CNTNAP3B: variants seen among roughly 807,000 people sequenced by gnomAD.
CNTNAP3B encodes contactin-associated protein-like 3B.
In CNTNAP3B, 25 loss-of-function variants were observed where a neutral mutation model predicts 108.9. That is an observed-to-expected ratio of 0.23 (90% CI 0.17 to 0.32). The LOEUF (loss-of-function observed/expected upper bound fraction) is 0.32. Among genes scored for constraint, CNTNAP3B ranks in the 10% least tolerant of loss-of-function variants. The probability of loss-of-function intolerance (pLI) is 1.00; values close to 1 mark genes in which losing one functional copy is unlikely to be tolerated. For synonymous variants in CNTNAP3B, 103 were observed against 473.4 expected, an observed-to-expected ratio of 0.22 and a Z score of 10.16; for missense variants, 252 against 1,210.4, an observed-to-expected ratio of 0.21 and a Z score of 11.75.
intron 1 of CNTNAP3B, among the ~76,000 whole-genome samples, chr9:42,112,157 G>T (rs1828204437): frequency 7.1e-6 from 1 of 139,926 alleles, no homozygotes; most frequent in South Asian, 2.3e-4. Context: ...ATGCACCAAT[G>T]CTCCTTGACC....
rs915998918 is a variant in CNTNAP3B, at chr9:42,121,297, C to T, written c.85+7713G>A. On this transcript the variant is annotated intron_variant, in intron 1 of 23. Coordinates refer to ENST00000377561, the MANE Select transcript of CNTNAP3B (RefSeq NM_001201380.3). ...TTTTGGTGGATTTTTCTTCTCTATT[C>T]CATTCTTCCCTCTTTTATGAGCTCA... is the stretch of plus-strand genomic sequence containing the variant. Among the ~76,000 whole-genome samples, 21 of 139,392 alleles carry T rather than the reference C, an allele frequency of 1.5e-4. 4 individuals are homozygous for T. Among genetic ancestry groups the T allele is most frequent in the Admixed American group, 4.3e-4 (6 of 14,012 alleles). The allele number at this position is 139,392 out of a possible 152,430, so 91.4% of individuals were successfully genotyped here.
intron 3 of CNTNAP3B, among the ~76,000 whole-genome samples, chr9:42,019,467 C>T (rs1316642678): frequency 5.1e-5 from 4 of 77,936 alleles, no homozygotes; most frequent in Non-Finnish European, 7.5e-5. Context: ...CAAAGTACTA[C>T]GGGGCCAGGC....
intron 14 of CNTNAP3B, among the ~76,000 whole-genome samples, chr9:41,930,560 A>G (rs1823947859): frequency 2.0e-5 from 3 of 151,574 alleles, no homozygotes; most frequent in Non-Finnish European, 4.4e-5. Context: ...ACAAAAAACA[A>G]ACAAAAAACC....
At position 41,953,169 on chromosome 9, in the gene CNTNAP3B, G is replaced by A; in HGVS notation, c.2080+14C>T. ...GCCTCGTGAGCCCCTGTAGCCTCCA[G>A]CAGTGGCGCTTACCTCGTGAGTCCG... On this transcript the variant is annotated intron_variant, in intron 13 of 23. Coordinates refer to ENST00000377561, the MANE Select transcript of CNTNAP3B (RefSeq NM_001201380.3). The A allele has an allele frequency of 5.3e-6, 8 of 1,516,614 alleles. No individual in the cohort carries two copies. Among genetic ancestry groups the A allele is most frequent in the African/African-American group, 1.4e-5 (1 of 70,252 alleles). 93.9% of individuals were successfully genotyped at this position (1,516,614 alleles called of 1,614,324 possible). A position where few individuals can be genotyped will look rare whatever the true frequency, so the allele number is the denominator to read the frequency against.
rs1204640155 is a variant in CNTNAP3B, at chr9:42,097,370, C to T, written c.196+7259G>A. 3.6e-5 allele frequency among the ~76,000 whole-genome samples: 5 copies of T among 139,746 alleles called. 2 individuals carry two copies. Among genetic ancestry groups the T allele is most frequent in the African/African-American group, 1.4e-4 (5 of 35,250 alleles). 91.7% of individuals were successfully genotyped at this position (139,746 alleles called of 152,430 possible). A position where few individuals can be genotyped will look rare whatever the true frequency, so the allele number is the denominator to read the frequency against. On this transcript the variant is annotated intron_variant, in intron 2 of 23. Coordinates refer to ENST00000377561, the MANE Select transcript of CNTNAP3B (RefSeq NM_001201380.3). ...GGTAAAACTGCCCCACGCAGAGAAG[C>T]TTTTACCCCAGGTTAATAAAGATGC...
At chr9:42,042,148 G>A (rs1353328810) in intron 3 of CNTNAP3B, among the ~76,000 whole-genome samples, 54 of 140,296 alleles carry the variant, frequency 3.8e-4, no homozygotes, top group African/African-American at 1.3e-3. Context: ...GAGTTAATGG[G>A]TGCAGCACAC....
chr9:41,952,533 G>C (rs1453240461), intron 13 of CNTNAP3B, among the ~76,000 whole-genome samples: 5 of 152,358 alleles, frequency 3.3e-5, no homozygotes, highest in African/African-American at 1.2e-4. Flanking sequence ...TGGGGATTCC[G>C]GAAAGGAGGG....
chr9:42,123,470 A>G lies in CNTNAP3B; in HGVS notation c.85+5540T>C, dbSNP rs931988667. On this transcript the variant is annotated intron_variant, in intron 1 of 23. Transcript: ENST00000377561. ...AGATCAAATCACTCCATCAAGTCAA[A>G]GACTAATTCAACTGTTTGTTCAGTT... Among the ~76,000 whole-genome samples the G allele has an allele frequency of 5.4e-5, 7 of 129,302 alleles. 1 individual carries two copies. The highest frequency in any genetic ancestry group is 2.2e-4 in the African/African-American group (7 of 31,970). 84.8% of individuals were successfully genotyped at this position (129,302 alleles called of 152,430 possible).
intron 1 of CNTNAP3B, among the ~76,000 whole-genome samples, chr9:42,127,686 A>T (rs1231682962): frequency 7.1e-6 from 1 of 139,918 alleles, no homozygotes; most frequent in Non-Finnish European, 1.5e-5. Context: ...TTAAAGTTGA[A>T]TCTGAAACAC....
chr9:41,927,674 T>C (rs1377963096), intron 15 of CNTNAP3B, among the ~76,000 whole-genome samples: 3 of 151,658 alleles, frequency 2.0e-5, no homozygotes, highest in Admixed American at 6.6e-5. Context: ...ACCAATTCAG[T>C]AAAATAAGAG....
chr9:42,035,288 G>T lies in CNTNAP3B; in HGVS notation c.391-21763C>A, dbSNP rs577769151. ...TACCATTTTACAGATTAGCAAGTGA[G>T]CTCACCAAGGTTCCACGAGGCTGAC... On this transcript the variant is annotated intron_variant, in intron 3 of 23. Transcript: ENST00000377561. Among the ~76,000 whole-genome samples the T allele has an allele frequency of 7.0e-4, 101 of 144,252 alleles. 3 individuals carry two copies. The highest frequency in any genetic ancestry group is 3.4e-3 in the Middle Eastern group (1 of 294). 94.6% of individuals were successfully genotyped at this position (144,252 alleles called of 152,430 possible). A position where few individuals can be genotyped will look rare whatever the true frequency, so the allele number is the denominator to read the frequency against.
At chr9:41,959,697 C>T (rs1477402231) in intron 12 of CNTNAP3B, among the ~76,000 whole-genome samples, 3 of 152,308 alleles carry the variant, frequency 2.0e-5, no homozygotes, top group East Asian at 1.9e-4. Context: ...TTCTGAACAT[C>T]CCCTGTAAAG....
At chr9:42,120,021 C>A (rs1201576989) in intron 1 of CNTNAP3B, among the ~76,000 whole-genome samples, 87 of 148,812 alleles carry the variant, frequency 5.8e-4, no homozygotes, top group African/African-American at 2.0e-3. Context: ...AAGAAACTAC[C>A]ATCAGAGTGA....
rs111383931 is a variant in CNTNAP3B at position 42,107,676 on chromosome 9, C to A, written c.86-2937G>T. On this transcript the variant is annotated intron_variant, in intron 1 of 23. Coordinates refer to ENST00000377561, the MANE Select transcript of CNTNAP3B (RefSeq NM_001201380.3). ...TGGCACAGGCTTGAATAAATCTTGCCCTTCAGAAAGGCAATAAATTCGGGC... is the reference window on the plus strand; with the variant it reads ...TGGCACAGGCTTGAATAAATCTTGCACTTCAGAAAGGCAATAAATTCGGGC... Among the ~76,000 whole-genome samples the A allele has an allele frequency of 1.5e-5, 2 of 135,928 alleles. 1 individual carries two copies. The highest frequency in any genetic ancestry group is 1.5e-4 in the Admixed American group (2 of 13,584). The allele number at this position is 135,928 out of a possible 152,430, so 89.2% of individuals were successfully genotyped here. A position where few individuals can be genotyped will look rare whatever the true frequency, so the allele number is the denominator to read the frequency against.
intron 1 of CNTNAP3B, among the ~76,000 whole-genome samples, chr9:42,108,824 C>G (rs1222592792): frequency 7.1e-6 from 1 of 140,516 alleles, no homozygotes; most frequent in Non-Finnish European, 1.5e-5. Context: ...GACAAGTATT[C>G]CCAGCATGCT....
intron 14 of CNTNAP3B, among the ~76,000 whole-genome samples, chr9:41,935,843 C>T (rs1824140578): frequency 1.3e-5 from 2 of 152,292 alleles, no homozygotes; most frequent in East Asian, 1.9e-4. Flanking sequence ...AAGCCCAGGG[C>T]TTCTGTCACA....
chr9:42,062,954 T>C (rs2118573733), intron 3 of CNTNAP3B, among the ~76,000 whole-genome samples: 1 of 98,670 alleles, frequency 1.0e-5, no homozygotes, highest in South Asian at 3.0e-4. Flanking sequence ...CTTTATGTTT[T>C]TGATGCTTTT....
chr9:42,120,908 A>T lies in CNTNAP3B; in HGVS notation c.85+8102T>A, dbSNP rs532942739. Among the ~76,000 whole-genome samples the T allele has an allele frequency of 6.5e-5, 9 of 137,730 alleles. 3 individuals are homozygous for T. The highest frequency in any genetic ancestry group is 2.6e-4 in the African/African-American group (9 of 34,620). 90.4% of individuals were successfully genotyped at this position (137,730 alleles called of 152,430 possible). On this transcript the variant is annotated intron_variant, in intron 1 of 23. Transcript: ENST00000377561. ...AATGGGTGCAGCACACCAACATGGC[A>T]CATGTATACATATGCAACAAACCTG...
intron 3 of CNTNAP3B, among the ~76,000 whole-genome samples, chr9:42,063,833 C>T (rs1241974458): frequency 1.3e-5 from 2 of 149,716 alleles, no homozygotes; most frequent in African/African-American, 5.0e-5. Context: ...GCGACTCTCC[C>T]ACCTCGGCCT....
Sources: allele counts gnomAD v4.1 joint callset (sites outside exome capture counted in the v4.1 genomes callset), GRCh38; gene constraint gnomAD v4.1.1; transcripts MANE v1.5; gene names NCBI Gene and HGNC (gene_info 2026-07-23, HGNC 2026-07-21).